The following UQCRFS1 variants were observed in gnomAD, a reference collection of about 807,000 sequenced individuals.
UQCRFS1 encodes cytochrome b-c1 complex subunit Rieske, mitochondrial.
Under a neutral mutation model 15.6 loss-of-function variants are expected in UQCRFS1, and 6 were observed. That is an observed-to-expected ratio of 0.38 (90% CI 0.21 to 0.76). The LOEUF is 0.76. UQCRFS1 is among the 30% of genes least tolerant of loss of function. The pLI is 0.44. For synonymous variants in UQCRFS1, 105 were observed against 154.3 expected, an observed-to-expected ratio of 0.68 and a Z score of 2.37; for missense variants, 203 against 366.7, an observed-to-expected ratio of 0.55 and a Z score of 3.65.
chr19:29,210,606 C>T (rs1476875412), intron 1 of UQCRFS1, among the ~76,000 whole-genome samples: 1 of 150,258 alleles, frequency 6.7e-6, no homozygotes, highest in African/African-American at 2.5e-5. Flanking sequence ...TGAGAACATG[C>T]AGTGTTTGTT....
At chr19:29,211,785 A>G (rs1599712269) in intron 1 of UQCRFS1, among the ~76,000 whole-genome samples, 1 of 152,216 alleles carries the variant, frequency 6.6e-6, no homozygotes, top group African/African-American at 2.4e-5. Context: ...GTGAATGAAG[A>G]CAGAGTAAAA....
chr19:29,206,089 T>C lies in UQCRFS1; in HGVS notation c.*1459A>G, dbSNP rs753214796. ...ACAGGTTTTTTAGTGTGTGGACCTG[T>C]GTTCCCCTCACAACTCAATGTTTCA... On this transcript the variant is annotated 3_prime_UTR_variant, in exon 2 of 2. Transcript: ENST00000304863. 6.6e-6 allele frequency: 1 copy of C among 152,186 alleles called. No individual in the cohort carries two copies. The highest frequency in any genetic ancestry group is 1.5e-5 in the Non-Finnish European group (1 of 68,050). The allele number at this position is 152,186 out of a possible 1,614,324, so 9.4% of individuals were successfully genotyped here.
rs1346514961 is a variant in UQCRFS1, at chr19:29,207,425, G to A, written c.*123C>T. On this transcript the variant is annotated 3_prime_UTR_variant, in exon 2 of 2. Coordinates refer to ENST00000304863, the MANE Select transcript of UQCRFS1 (RefSeq NM_006003.3). ...TTCAATTTATTTCACATTAATGTTT[G>A]CAAATACATCATCAATTCTTACATA... 3.4e-6 allele frequency: 4 copies of A among 1,166,184 alleles called. No homozygotes were observed. The African/African-American group carries it at 6.3e-5, about 18-fold the overall frequency. The allele number at this position is 1,166,184 out of a possible 1,614,324, so 72.2% of individuals were successfully genotyped here. A position where few individuals can be genotyped will look rare whatever the true frequency, so the allele number is the denominator to read the frequency against.
intron 1 of UQCRFS1, among the ~76,000 whole-genome samples, chr19:29,212,074 T>C (rs1376880533): frequency 6.6e-6 from 1 of 152,188 alleles, no homozygotes; most frequent in East Asian, 1.9e-4. Context: ...GCAGACACAC[T>C]GCCCACAGGC....
At chr19:29,210,859 T>C (rs8113698) in intron 1 of UQCRFS1, among the ~76,000 whole-genome samples, 141,296 of 151,972 alleles carry the variant, frequency 0.93, 65,705 homozygotes, top group East Asian at 1. Flanking sequence ...ATTTATAGTC[T>C]TTTGGGTATA....
In UQCRFS1 at chr19:29,207,595, C is replaced by T; in HGVS notation, c.778G>A (p.Val260Ile). The T allele has an allele frequency of 6.2e-7, 1 of 1,613,878 alleles. No homozygotes were observed. The highest frequency in any genetic ancestry group is 8.5e-7 in the Non-Finnish European group (1 of 1,179,810). ...RLGPAPLNLEVPTYEFTSDDM... is the reference protein window; with the variant it reads ...RLGPAPLNLEIPTYEFTSDDM... ...TCACTGGTGAACTCATACGTGGGGA[C>T]TTCAAGGTTGAGAGGAGCAGGACCC... The change falls in exon 2 of 2, where the codon GTC becomes ATC. Residue 260 changes from valine to isoleucine, a missense_variant. Physicochemically the swap from Val to Ile is conservative, Grantham distance 29. Around this residue, in one of 3 missense-constraint regions of UQCRFS1, gnomAD observed 91 missense variants for 186.9 expected, o/e 0.49. Coordinates refer to ENST00000304863, the MANE Select transcript of UQCRFS1 (RefSeq NM_006003.3).
rs1022678093 is a variant in UQCRFS1 at position 29,208,009 on chromosome 19, T to C, written c.364A>G (p.Thr122Ala). 2 of 1,614,052 alleles carry C rather than the reference T, an allele frequency of 1.2e-6. No homozygotes were observed. The highest frequency in any genetic ancestry group is 1.1e-5 in the South Asian group (1 of 91,074). The change falls in exon 2 of 2, where the codon ACT becomes GCT. Residue 122 changes from threonine to alanine, a missense_variant. Physicochemically the swap from Thr to Ala is moderately conservative, Grantham distance 58. Transcript: ENST00000304863. ...TTGGCAGCATATGCGACACCCACAG[T>C]AGTTACTCCAGTTACCAAATAGGAG... ...GFSYLVTGVT[T>A]VGVAYAAKNA...
chr19:29,210,827 A>C (rs957722315), intron 1 of UQCRFS1, among the ~76,000 whole-genome samples: 5 of 152,100 alleles, frequency 3.3e-5, no homozygotes, highest in African/African-American at 9.7e-5. Context: ...CATACATGTA[A>C]ATGTGTCTTT....
At chr19:29,209,578 T>C (rs986988886) in intron 1 of UQCRFS1, among the ~76,000 whole-genome samples, 1 of 152,182 alleles carries the variant, frequency 6.6e-6, no homozygotes, top group Admixed American at 6.5e-5. Context: ...AGGACACAGA[T>C]AATGGCAACT....
At chr19:29,212,762 G>C in intron 1 of UQCRFS1, 143 bp downstream of exon 1, 1 of 874,326 alleles carries the variant, frequency 1.1e-6, no homozygotes, top group Non-Finnish European at 1.6e-6. Context: ...CGAGCCCGGG[G>C]GCCAGGCCCA....
chr19:29,207,497 C>T lies in UQCRFS1; in HGVS notation c.*51G>A, dbSNP rs200118580. ...AGAAGGCTTCCTCTCAAATAAGTCT[C>T]CTGAGGTGACATAAAGACTGAAAGA... On this transcript the variant is annotated 3_prime_UTR_variant, in exon 2 of 2. Coordinates refer to ENST00000304863, the MANE Select transcript of UQCRFS1 (RefSeq NM_006003.3). The T allele has an allele frequency of 2.1e-3, 3,141 of 1,520,566 alleles. 6 individuals carry two copies. The highest frequency in any genetic ancestry group is 8.7e-3 in the Middle Eastern group (48 of 5,548). The allele number at this position is 1,520,566 out of a possible 1,614,324, so 94.2% of individuals were successfully genotyped here.
At chr19:29,209,622 G>C (rs1395153011) in intron 1 of UQCRFS1, among the ~76,000 whole-genome samples, 4 of 152,144 alleles carry the variant, frequency 2.6e-5, no homozygotes, top group Non-Finnish European at 4.4e-5. Context: ...TGGAGTCAAA[G>C]TGACATTACA....
intron 1 of UQCRFS1, among the ~76,000 whole-genome samples, chr19:29,212,124 G>A (rs978906755): frequency 3.3e-5 from 5 of 152,190 alleles, no homozygotes; most frequent in Non-Finnish European, 7.3e-5. Flanking sequence ...AAGTAAAGAT[G>A]GAAGGCGAGG....
intron 1 of UQCRFS1, among the ~76,000 whole-genome samples, chr19:29,212,286 T>C (rs1976662668): frequency 1.3e-5 from 2 of 152,182 alleles, no homozygotes; most frequent in South Asian, 4.1e-4. Flanking sequence ...GTCTGTTTTC[T>C]CATCTGTAAA....
chr19:29,211,577 C>T (rs1341165274), intron 1 of UQCRFS1, among the ~76,000 whole-genome samples: 1 of 152,206 alleles, frequency 6.6e-6, no homozygotes, highest in African/African-American at 2.4e-5. Context: ...CTTCTCTATG[C>T]CCTTAAGCCC....
chr19:29,211,723 T>C (rs1976652122), intron 1 of UQCRFS1, among the ~76,000 whole-genome samples: 1 of 152,154 alleles, frequency 6.6e-6, no homozygotes, highest in East Asian at 1.9e-4. Context: ...GGAAAACATA[T>C]GGACATGTAG....
intron 1 of UQCRFS1, among the ~76,000 whole-genome samples, chr19:29,211,152 G>A (rs1976641832): frequency 6.7e-6 from 1 of 148,904 alleles, no homozygotes; most frequent in Admixed American, 6.8e-5. Flanking sequence ...CTAATATCCA[G>A]AATCTACAAT....
chr19:29,207,831 T>G lies in UQCRFS1; in HGVS notation c.542A>C (p.Gln181Pro). Residue 181 changes from glutamine (Q) to proline (P), a missense_variant, in exon 2 of 2, where the codon CAG (glutamine) becomes CCG (proline). Gln to Pro is a moderately conservative substitution (Grantham distance 76, BLOSUM62 -1). Transcript: ENST00000304863. Reference protein sequence around the residue: ...GKPLFVRHRTQKEIEQEAAVE... With the variant: ...GKPLFVRHRTPKEIEQEAAVE... ...TGCAGCTTCCTGCTCAATTTCCTTC[T>G]GGGTTCTATGACGCACAAACAGGGG... 6.2e-7 allele frequency: 1 copy of G among 1,614,038 alleles called. No homozygotes were observed. Among genetic ancestry groups the G allele is most frequent in the Non-Finnish European group, 8.5e-7 (1 of 1,179,886 alleles).
chr19:29,208,952 T>C lies in UQCRFS1; in HGVS notation c.215-794A>G, dbSNP rs112178174. Reference sequence around the variant, plus strand: ...CCCCTCTTCAGTAAAGGGCAATAGTTACTGTAAAAGTAGGGGTATTATCTT... The same window carrying C: ...CCCCTCTTCAGTAAAGGGCAATAGTCACTGTAAAAGTAGGGGTATTATCTT... On this transcript the variant is annotated intron_variant, in intron 1 of 1. Transcript: ENST00000304863. Among the ~76,000 whole-genome samples, 45 of 150,358 alleles carry C rather than the reference T, an allele frequency of 3.0e-4. 1 individual carries two copies. Among genetic ancestry groups the C allele is most frequent in the African/African-American group, 1.1e-3 (45 of 41,406 alleles).
Sources: gnomAD v4.1 joint callset for allele counts (sites outside exome capture counted in the v4.1 genomes callset) on GRCh38, gnomAD v4.1.1 for gene constraint, gnomAD v4.1.1 regional missense constraint, MANE v1.5 for transcripts, NCBI Gene and HGNC (gene_info 2026-07-23, HGNC 2026-07-21) for gene names.